Variants in RAD51AP1 observed in about 807,000 individuals in gnomAD.
RAD51AP1 encodes the protein RAD51 associated protein 1.
A neutral mutation model predicts 34.3 loss-of-function variants in RAD51AP1; 14 were observed. The observed-to-expected ratio is 0.41, with a 90% CI of 0.27 to 0.64. The LOEUF is 0.64. Ranked by LOEUF, RAD51AP1 falls within the 30% of genes least tolerant of loss-of-function variation. The probability of loss-of-function intolerance (pLI) is 0.33; values close to 1 mark genes in which losing one functional copy is unlikely to be tolerated. For synonymous variants in RAD51AP1, 114 were observed against 129.8 expected (o/e 0.88, Z 0.83); for missense variants, 348 against 386.9 (o/e 0.90, Z 0.84).
chr12:4,541,805 AAT>A, intron 1 of RAD51AP1, 77 bp from the exon 2 acceptor site: 1 of 533,872 alleles, frequency 1.9e-6, no homozygotes, highest in South Asian at 4.6e-5. Context: ...ATAAATAAAT[AAT>A]ATTCATTAAT....
chr12:4,555,604 C>G (rs1253873198), intron 7 of RAD51AP1, among the ~76,000 whole-genome samples: 1 of 152,194 alleles, frequency 6.6e-6, no homozygotes, highest in Non-Finnish European at 1.5e-5. Flanking sequence ...ATTTCTGCTC[C>G]AGCCGTACAC....
rs894474117 is a variant in RAD51AP1 at position 4,559,975 on chromosome 12, TG to T, written c.*984del. The T allele has an allele frequency of 6.6e-6, 1 of 152,230 alleles. No homozygotes were observed. The highest frequency in any genetic ancestry group is 1.5e-5 in the Non-Finnish European group (1 of 68,040). The allele number at this position is 152,230 out of a possible 1,614,324, so 9.4% of individuals were successfully genotyped here. On this transcript the variant is annotated 3_prime_UTR_variant, in exon 9 of 9. Transcript: ENST00000352618. ...AAATGTATAATAACTCAGTTTTTCTTGGTTTATGGAAATATCTATATTAATG... is the reference window on the plus strand; with the variant it reads ...AAATGTATAATAACTCAGTTTTTCTTGTTTATGGAAATATCTATATTAATG...
At chr12:4,551,516 G>T (rs1336340910) in intron 6 of RAD51AP1, among the ~76,000 whole-genome samples, 1 of 131,732 alleles carries the variant, frequency 7.6e-6, no homozygotes, top group African/African-American at 3.1e-5. Flanking sequence ...AAAAAAGCAA[G>T]ATTAAGTTAA....
chr12:4,539,899 G>A (rs757019251), intron 1 of RAD51AP1, among the ~76,000 whole-genome samples: 28 of 152,150 alleles, frequency 1.8e-4, no homozygotes, highest in Non-Finnish European at 2.6e-4. Flanking sequence ...TAGGGGAGAG[G>A]AATCTAAGTT....
chr12:4,550,509 G>A (rs1944538369), intron 6 of RAD51AP1: 1 of 152,206 alleles, frequency 6.6e-6, no homozygotes, highest in Non-Finnish European at 1.5e-5. Context: ...GGCCTTTCTG[G>A]GCTGATTCTC....
Position 4,550,976 on chromosome 12 carries a change from A to G in RAD51AP1, c.557-2007A>G, listed in dbSNP as rs376755992. On this transcript the variant is annotated intron_variant, in intron 6 of 8. Transcript: ENST00000352618. ...TTGTTGATTTAGGTAAAGGTCATCA[A>G]TGGAAGGTTGATAAGGATCTTTACA... 3.3e-5 allele frequency among the ~76,000 whole-genome samples: 5 copies of G among 152,350 alleles called. No homozygotes were observed. The East Asian group carries it at 5.8e-4, about 18-fold the overall frequency.
At chr12:4,545,256 T>C (rs1198909153) in intron 3 of RAD51AP1, 10 of 448,630 alleles carry the variant, frequency 2.2e-5, no homozygotes, top group Non-Finnish European at 4.0e-5. Flanking sequence ...TGATATATAC[T>C]GCAATATGGA....
At chr12:4,546,263 G>T in intron 3 of RAD51AP1, 46 bp from the exon 4 acceptor site, 1 of 1,374,278 alleles carries the variant, frequency 7.3e-7, no homozygotes, top group Non-Finnish European at 1.0e-6. Flanking sequence ...CTTTAGTTGA[G>T]ATTGATATTT....
At chr12:4,548,562 T>G (rs908833041) in intron 5 of RAD51AP1, 125 bp from the exon 6 acceptor site, 5 of 1,149,062 alleles carry the variant, frequency 4.4e-6, no homozygotes, top group Non-Finnish European at 6.2e-6. Flanking sequence ...AGTCTATTAC[T>G]GGAAGCATGG....
chr12:4,556,903 C>T (rs1944586833), intron 8 of RAD51AP1, among the ~76,000 whole-genome samples: 1 of 152,206 alleles, frequency 6.6e-6, no homozygotes, highest in South Asian at 2.1e-4. Flanking sequence ...TGACTGAAGC[C>T]TTGGGATCTA....
intron 4 of RAD51AP1, among the ~76,000 whole-genome samples, chr12:4,547,087 A>C (rs1427429754): frequency 6.6e-6 from 1 of 151,994 alleles, no homozygotes; most frequent in Admixed American, 6.5e-5. Flanking sequence ...TATTTATTTG[A>C]GACAGGGTCT....
intron 8 of RAD51AP1, among the ~76,000 whole-genome samples, chr12:4,557,407 T>C (rs1944590295): frequency 6.6e-6 from 1 of 152,164 alleles, no homozygotes; most frequent in South Asian, 2.1e-4. Flanking sequence ...ACTTACAGAG[T>C]CTTCATTTCA....
rs895134973 is a variant in RAD51AP1, at chr12:4,541,879, C to T, written c.18-5C>T. 3 of 1,480,818 alleles carry T rather than the reference C, an allele frequency of 2.0e-6. No individual in the cohort carries two copies. Among genetic ancestry groups the T allele is most frequent in the East Asian group, 2.5e-5 (1 of 39,366 alleles). The allele number at this position is 1,480,818 out of a possible 1,614,324, so 91.7% of individuals were successfully genotyped here. A position where few individuals can be genotyped will look rare whatever the true frequency, so the allele number is the denominator to read the frequency against. On this transcript the variant is annotated splice_region_variant and splice_polypyrimidine_tract_variant and intron_variant, in intron 1 of 8. Coordinates refer to ENST00000352618, the MANE Select transcript of RAD51AP1 (RefSeq NM_006479.5). ...GTTAATGAAAAAATTCTGTTTTGGT[C>T]ATAGACATAAGAAACCAGTCAATTA...
intron 3 of RAD51AP1, among the ~76,000 whole-genome samples, chr12:4,544,284 A>G (rs1307462298): frequency 6.6e-6 from 1 of 152,222 alleles, no homozygotes; most frequent in African/African-American, 2.4e-5. Context: ...TTTAAAATAT[A>G]AAACCATGTA....
chr12:4,546,306 T>C lies in RAD51AP1; in HGVS notation c.210-3T>C. The C allele has an allele frequency of 6.3e-7, 1 of 1,586,210 alleles. No individual in the cohort carries two copies. On this transcript the variant is annotated splice_region_variant and splice_polypyrimidine_tract_variant and intron_variant, in intron 3 of 8. Coordinates refer to ENST00000352618, the MANE Select transcript of RAD51AP1 (RefSeq NM_006479.5). ...CTCATTATTACTTGTGTATCTATTT[T>C]AGGATGGCTTTAGATGACAAGCTCT...
intron 8 of RAD51AP1, among the ~76,000 whole-genome samples, chr12:4,558,517 A>C (rs2137300000): frequency 6.6e-6 from 1 of 152,340 alleles, no homozygotes; most frequent in African/African-American, 2.4e-5. Context: ...GCAGGACCTT[A>C]AAAATGCATT....
Position 4,559,129 on chromosome 12 carries a change from C to A in RAD51AP1, c.*136C>A. The A allele has an allele frequency of 1.9e-6, 2 of 1,053,838 alleles. No homozygotes were observed. The highest frequency in any genetic ancestry group is 2.7e-6 in the Non-Finnish European group (2 of 738,966). The allele number at this position is 1,053,838 out of a possible 1,614,324, so 65.3% of individuals were successfully genotyped here. ...ACCATGTCCTATAAATGACCTCTAG[C>A]CATTTTATGATTATGTTCTCTGTAA... On this transcript the variant is annotated 3_prime_UTR_variant, in exon 9 of 9. Transcript: ENST00000352618.
Position 4,552,976 on chromosome 12 carries a change from G to A in RAD51AP1, c.557-7G>A. 6.4e-7 allele frequency: 1 copy of A among 1,571,670 alleles called. No individual in the cohort carries two copies. Among genetic ancestry groups the A allele is most frequent in the Non-Finnish European group, 8.6e-7 (1 of 1,165,486 alleles). The stretch of plus-strand genomic sequence containing the variant: ...GCAAAGATGAACTATATAATCTTCT[G>A]TTTTAGGTGAAGATTCTGAGGATGA... On this transcript the variant is annotated splice_region_variant and splice_polypyrimidine_tract_variant and intron_variant, in intron 6 of 8. Coordinates refer to ENST00000352618, the MANE Select transcript of RAD51AP1 (RefSeq NM_006479.5).
At chr12:4,545,789 G>C (rs373217149) in intron 3 of RAD51AP1, 1 of 1,613,238 alleles carries the variant, frequency 6.2e-7, no homozygotes, top group Non-Finnish European at 8.5e-7. Context: ...CAGACTCCCT[G>C]AAGGTACTTT....
Sources: allele counts gnomAD v4.1 joint callset (sites outside exome capture counted in the v4.1 genomes callset), GRCh38; gene constraint gnomAD v4.1.1; transcripts MANE v1.5; gene names NCBI Gene and HGNC (gene_info 2026-07-23, HGNC 2026-07-21).